ADGRG1: variants seen among roughly 807,000 people sequenced by gnomAD.
ADGRG1 encodes 7-transmembrane protein with no EGF-like N-terminal domains-1.
ADGRG1 carries 53 observed loss-of-function variants against 73.5 expected under a neutral mutation model. That is an observed-to-expected ratio of 0.72 (90% CI 0.58 to 0.91). The LOEUF (loss-of-function observed/expected upper bound fraction) is 0.91, where lower values mean the gene tolerates loss of function less well. Ranked by LOEUF, ADGRG1 falls within the 40% of genes least tolerant of loss-of-function variation. ADGRG1 has a pLI of 0.00. For synonymous variants in ADGRG1, 394 were observed against 374.4 expected, an observed-to-expected ratio of 1.05 and a Z score of -0.60; for missense variants, 795 against 871.8, an observed-to-expected ratio of 0.91 and a Z score of 1.11.
upstream of ADGRG1, chr16:57,625,536 C>A: frequency 1.0e-6 from 1 of 983,912 alleles, no homozygotes; most frequent in Middle Eastern, 5.2e-4. Flanking sequence ...CCGGACCCAA[C>A]TTCCCCTCTA....
chr16:57,645,334 G>T (rs2042331098), intron 1 of ADGRG1: 2 of 985,302 alleles, frequency 2.0e-6, no homozygotes. Flanking sequence ...TTGCCTCCGG[G>T]GCTCCCTCGT....
chr16:57,646,028 G>T, intron 1 of ADGRG1: 1 of 152,390 alleles, frequency 6.6e-6, no homozygotes. Flanking sequence ...CTCGGGGGCG[G>T]GCAGTGGTCA....
At chr16:57,630,175 CT>C in intron 1 of ADGRG1, 3 of 399,764 alleles carry the variant, frequency 7.5e-6, no homozygotes, top group Non-Finnish European at 1.0e-5. Context: ...GCCAAGCCCC[CT>C]GCCCCTCCCA....
At chr16:57,649,781 C>T (rs746233406) in intron 1 of ADGRG1, among the ~76,000 whole-genome samples, 6 of 151,308 alleles carry the variant, frequency 4.0e-5, no homozygotes, top group Non-Finnish European at 8.8e-5. Context: ...GCCACTCCCC[C>T]GCCTTTTTTT....
chr16:57,661,703 G>C lies in ADGRG1; in HGVS notation c.1671G>C (p.Trp557Cys). Reference sequence around the variant, plus strand: ...CTCCTGCCTTTGCCCGCAGGTGCTGGATCCGGGACTCCCTGGTCAGCTACA... The same window carrying C: ...CTCCTGCCTTTGCCCGCAGGTGCTGCATCCGGGACTCCCTGGTCAGCTACA... Reference protein sequence around the residue: ...PEGVIYPSMCWIRDSLVSYIT... With the variant: ...PEGVIYPSMCCIRDSLVSYIT... The change falls in exon 13 of 14, where the codon TGG becomes TGC. Residue 557 changes from tryptophan to cysteine, a missense_variant. By Grantham distance (215) the Trp-to-Cys change is radical. Transcript: ENST00000562631. 1 of 1,613,600 alleles carries C rather than the reference G, an allele frequency of 6.2e-7. No homozygotes were observed. Among genetic ancestry groups the C allele is most frequent in the Non-Finnish European group, 8.5e-7 (1 of 1,179,794 alleles).
chr16:57,625,373 T>C (rs1168359766), upstream of ADGRG1, among the ~76,000 whole-genome samples: 1 of 152,156 alleles, frequency 6.6e-6, no homozygotes, highest in Non-Finnish European at 1.5e-5. Flanking sequence ...GCCCCGATTC[T>C]TCAGGGACGT....
upstream of ADGRG1, chr16:57,628,013 G>A: frequency 1.0e-6 from 1 of 985,422 alleles, no homozygotes; most frequent in Non-Finnish European, 1.2e-6. Context: ...AAATGACTTG[G>A]GATGTTGAAA....
chr16:57,651,178 T>A (rs1213063630), intron 2 of ADGRG1, 22 bp from the exon 3 acceptor site: 1 of 1,613,580 alleles, frequency 6.2e-7, no homozygotes, highest in African/African-American at 1.3e-5. Context: ...CGGGGTCCCA[T>A]CTGCAGCCTC....
chr16:57,625,701 A>C, upstream of ADGRG1: 4 of 977,958 alleles, frequency 4.1e-6, no homozygotes, highest in Non-Finnish European at 3.6e-6. Flanking sequence ...TCTGAAGACC[A>C]CATTTTGAGG....
At chr16:57,628,139 G>T (rs1460321293), upstream of ADGRG1, 1 of 838,554 alleles carries the variant, frequency 1.2e-6, no homozygotes, top group African/African-American at 5.7e-5. Flanking sequence ...CCTGTCACCC[G>T]CTCCCTCCCG....
intron 1 of ADGRG1, chr16:57,642,625 A>G (rs935503464): frequency 1.0e-6 from 1 of 983,844 alleles, no homozygotes. Flanking sequence ...AACAGAAAGT[A>G]TGGCCCACAA....
chr16:57,621,865 C>A (rs1295349811), intron 2 of ADGRG1: 1 of 985,246 alleles, frequency 1.0e-6, no homozygotes. Context: ...TGCTGGTGAC[C>A]CCATGCCAAG....
intron 12 of ADGRG1, chr16:57,661,444 CT>C: frequency 7.1e-6 from 7 of 984,920 alleles, no homozygotes; most frequent in Non-Finnish European, 8.4e-6. Context: ...AAATTTTCAG[CT>C]CTTTATGTTG....
At position 57,628,775 on chromosome 16, in the gene ADGRG1, C is replaced by G. The variant is rs2036441892; in HGVS notation, c.-63C>G. 1.0e-6 allele frequency: 1 copy of G among 985,460 alleles called. No individual in the cohort carries two copies. The highest frequency in any genetic ancestry group is 1.7e-5 in the African/African-American group (1 of 57,230). The allele number at this position is 985,460 out of a possible 1,614,324, so 61.0% of individuals were successfully genotyped here. A position where few individuals can be genotyped will look rare whatever the true frequency, so the allele number is the denominator to read the frequency against. On this transcript the variant is annotated 5_prime_UTR_variant, in exon 1 of 14. Coordinates refer to ENST00000562631, the MANE Select transcript of ADGRG1 (RefSeq NM_201525.4). ...TGAAAGGTGGTCCAGCCGCCTGGCC[C>G]TGCGTGGGACCCTCCACCTGGCAGC... is the stretch of plus-strand genomic sequence containing the variant.
At chr16:57,646,306 C>A in intron 1 of ADGRG1, 1 of 867,022 alleles carries the variant, frequency 1.2e-6, no homozygotes, top group Non-Finnish European at 1.4e-6. Context: ...TGCAGAGGGG[C>A]AGGGCTGAGC....
chr16:57,625,144 C>A (rs1210453522), upstream of ADGRG1, among the ~76,000 whole-genome samples: 1 of 152,100 alleles, frequency 6.6e-6, no homozygotes, highest in African/African-American at 2.4e-5. Context: ...TTCTGCTTTC[C>A]CCACACCATC....
rs1443357939 is a variant in ADGRG1, at chr16:57,634,221, G to T, written c.-36+5419G>T. Reference sequence around the variant, plus strand: ...TCCTTGGCTGAGTCTGGGCCTCAGGGTGTGGCTCTGTGGCTGGCACCCTGG... The same window carrying T: ...TCCTTGGCTGAGTCTGGGCCTCAGGTTGTGGCTCTGTGGCTGGCACCCTGG... On this transcript the variant is annotated intron_variant, in intron 1 of 13. Transcript: ENST00000562631. The T allele has an allele frequency of 5.1e-6, 5 of 985,308 alleles. No individual in the cohort carries two copies. In the Admixed American group the frequency reaches 3.1e-4, roughly 61 times the overall value. The allele number at this position is 985,308 out of a possible 1,614,324, so 61.0% of individuals were successfully genotyped here.
At chr16:57,644,632 A>C (rs1413524282) in intron 1 of ADGRG1, among the ~76,000 whole-genome samples, 1 of 148,860 alleles carries the variant, frequency 6.7e-6, no homozygotes, top group African/African-American at 2.5e-5. Context: ...ACACACATGC[A>C]CACTCATGCA....
chr16:57,639,827 C>G, intron 1 of ADGRG1: 1 of 916,704 alleles, frequency 1.1e-6, no homozygotes, highest in Non-Finnish European at 1.3e-6. Context: ...TTTTTCCTCT[C>G]CCGTGCATTC....
Sources: gnomAD v4.1 joint callset for allele counts (sites outside exome capture counted in the v4.1 genomes callset) on GRCh38, gnomAD v4.1.1 for gene constraint, MANE v1.5 for transcripts, NCBI Gene and HGNC (gene_info 2026-07-23, HGNC 2026-07-21) for gene names.